NRCAM: variants seen among roughly 807,000 people sequenced by gnomAD.
NRCAM encodes NgCAM-related cell adhesion molecule.
A neutral mutation model predicts 156.5 loss-of-function variants in NRCAM; 83 were observed. The ratio of observed to expected loss-of-function variants is 0.53; its 90% CI spans 0.44 to 0.64. The LOEUF is 0.64. Ranked by LOEUF, NRCAM falls within the 30% of genes least tolerant of loss-of-function variation. The pLI, the probability that NRCAM is intolerant of heterozygous loss-of-function variation, is 0.00. For synonymous variants in NRCAM, 538 were observed against 563.9 expected, an observed-to-expected ratio of 0.95 and a Z score of 0.65; for missense variants, 1,417 against 1,597.3, an observed-to-expected ratio of 0.89 and a Z score of 1.92.
Position 108,323,151 on chromosome 7 carries a change from C to T in NRCAM, c.-173-10420G>A, listed in dbSNP as rs144988562. On this transcript the variant is annotated intron_variant, in intron 2 of 32. Coordinates refer to ENST00000379028, the MANE Select transcript of NRCAM (RefSeq NM_001037132.4). ...TAACAAAGCGAGGTCTATGCTAATA[C>T]AAGCGCCCTCTGACCTTGGATCACT... Among the ~76,000 whole-genome samples, 23 of 152,320 alleles carry T rather than the reference C, an allele frequency of 1.5e-4. No individual in the cohort carries two copies. The East Asian group carries it at 3.9e-3, about 26-fold the overall frequency.
At chr7:108,378,890 A>T (rs918935483) in intron 2 of NRCAM, among the ~76,000 whole-genome samples, 9 of 152,130 alleles carry the variant, frequency 5.9e-5, no homozygotes, top group African/African-American at 2.2e-4. Context: ...AAAATACTTG[A>T]ACAAACAGGA....
intron 1 of NRCAM, among the ~76,000 whole-genome samples, chr7:108,438,428 T>C (rs1363128564): frequency 6.6e-6 from 1 of 152,122 alleles, no homozygotes; most frequent in Non-Finnish European, 1.5e-5. Flanking sequence ...TTTTAAAAGA[T>C]GCAGAAAATG....
intron 2 of NRCAM, among the ~76,000 whole-genome samples, chr7:108,334,913 G>A (rs1489828860): frequency 2.0e-5 from 3 of 152,188 alleles, no homozygotes; most frequent in Admixed American, 6.5e-5. Context: ...TAGGAAACAG[G>A]AAATGTTGAC....
At chr7:108,337,265 A>G (rs1168723146) in intron 2 of NRCAM, among the ~76,000 whole-genome samples, 7 of 64,288 alleles carry the variant, frequency 1.1e-4, no homozygotes, top group Admixed American at 3.5e-4. Flanking sequence ...TTCATCTCAG[A>G]AAAAAAAAAA....
chr7:108,433,694 A>C (rs545155174), intron 1 of NRCAM, among the ~76,000 whole-genome samples: 1 of 152,142 alleles, frequency 6.6e-6, no homozygotes, highest in African/African-American at 2.4e-5. Flanking sequence ...CTCTCTGCAC[A>C]TGGGAGCTCC....
At chr7:108,154,207 C>T (rs975869275) in intron 32 of NRCAM, among the ~76,000 whole-genome samples, 7 of 152,078 alleles carry the variant, frequency 4.6e-5, no homozygotes, top group Non-Finnish European at 1.0e-4. Context: ...AGTCTTGGTG[C>T]AGAGATAGAC....
intron 11 of NRCAM, among the ~76,000 whole-genome samples, chr7:108,211,395 G>A (rs977509937): frequency 6.6e-6 from 1 of 152,138 alleles, no homozygotes; most frequent in Non-Finnish European, 1.5e-5. Context: ...GCCAGAACTC[G>A]GGAAAGGGCA....
chr7:108,266,201 A>G (rs1310927351), intron 3 of NRCAM, among the ~76,000 whole-genome samples: 2 of 152,234 alleles, frequency 1.3e-5, no homozygotes, highest in Non-Finnish European at 2.9e-5. Flanking sequence ...GCAGTGAGAT[A>G]ACAGATAACA....
At chr7:108,397,579 C>A (rs960761955) in intron 2 of NRCAM, among the ~76,000 whole-genome samples, 1 of 152,222 alleles carries the variant, frequency 6.6e-6, no homozygotes, top group Admixed American at 6.5e-5. Flanking sequence ...CCTAACACCA[C>A]CCCACTGAAG....
At chr7:108,347,585 C>CA (rs375658468) in intron 2 of NRCAM, among the ~76,000 whole-genome samples, 1 of 152,024 alleles carries the variant, frequency 6.6e-6, no homozygotes, top group Non-Finnish European at 1.5e-5. Flanking sequence ...ATTTGATCCC[C>CA]AAAAAAATCC....
At chr7:108,360,166 A>G (rs1190340138) in intron 2 of NRCAM, among the ~76,000 whole-genome samples, 1 of 152,220 alleles carries the variant, frequency 6.6e-6, no homozygotes, top group Non-Finnish European at 1.5e-5. Context: ...AAATGTACAA[A>G]GAGATTGGAT....
At chr7:108,237,464 G>A (rs1329310753) in intron 5 of NRCAM, among the ~76,000 whole-genome samples, 1 of 152,132 alleles carries the variant, frequency 6.6e-6, no homozygotes, top group Non-Finnish European at 1.5e-5. Context: ...TAAATTTTGA[G>A]AATTTTCTCA....
At chr7:108,280,148 GC>G (rs1258247395) in intron 3 of NRCAM, among the ~76,000 whole-genome samples, 1 of 152,222 alleles carries the variant, frequency 6.6e-6, no homozygotes, top group Non-Finnish European at 1.5e-5. Context: ...TAGGTTAAAA[GC>G]TGGCCTGATC....
chr7:108,421,175 ATG>A (rs1195680921), intron 1 of NRCAM, among the ~76,000 whole-genome samples: 1 of 152,082 alleles, frequency 6.6e-6, no homozygotes, highest in Non-Finnish European at 1.5e-5. Context: ...AGATGTATAT[ATG>A]TGTGTGTATA....
intron 2 of NRCAM, among the ~76,000 whole-genome samples, chr7:108,398,964 T>C (rs1461771323): frequency 1.3e-5 from 2 of 152,242 alleles, no homozygotes; most frequent in Non-Finnish European, 2.9e-5. Flanking sequence ...TTATAAATGT[T>C]TAGAAAAGTA....
intron 26 of NRCAM, 170 bp from the exon 27 acceptor site, chr7:108,176,776 G>A (rs2060648733): frequency 1.7e-6 from 1 of 576,358 alleles, no homozygotes; most frequent in South Asian, 2.2e-5. Flanking sequence ...CAGCTCCTAT[G>A]CTATGTTCTA....
intron 13 of NRCAM, among the ~76,000 whole-genome samples, chr7:108,198,606 C>T (rs769180479): frequency 2.4e-4 from 37 of 152,070 alleles, no homozygotes; most frequent in Admixed American, 3.9e-4. Flanking sequence ...AAAAAGTTAA[C>T]GATCAAGAGG....
intron 2 of NRCAM, among the ~76,000 whole-genome samples, chr7:108,313,037 T>C (rs2154185128): frequency 6.6e-6 from 1 of 152,328 alleles, no homozygotes; most frequent in Non-Finnish European, 1.5e-5. Flanking sequence ...AATGTATCTA[T>C]ACAGTGTGGA....
intron 3 of NRCAM, among the ~76,000 whole-genome samples, chr7:108,263,154 G>A (rs2096947600): frequency 6.6e-6 from 1 of 152,178 alleles, no homozygotes; most frequent in African/African-American, 2.4e-5. Context: ...ATGCCCTGTG[G>A]CAGAAAACCC....
Sources: allele counts gnomAD v4.1 joint callset (sites outside exome capture counted in the v4.1 genomes callset), GRCh38; gene constraint gnomAD v4.1.1; transcripts MANE v1.5; gene names NCBI Gene and HGNC (gene_info 2026-07-23, HGNC 2026-07-21).